MAP4K4: variants seen among roughly 807,000 people sequenced by gnomAD.
The protein encoded by MAP4K4 is HPK/GCK-like kinase HGK.
MAP4K4 carries 38 observed loss-of-function variants against 189.6 expected under a neutral mutation model. The ratio of observed to expected loss-of-function variants is 0.20; its 90% CI spans 0.15 to 0.26. The LOEUF is 0.26. Ranked by LOEUF, MAP4K4 falls within the 10% of genes least tolerant of loss-of-function variation. The pLI, the probability that MAP4K4 is intolerant of heterozygous loss-of-function variation, is 1.00. For missense variants in MAP4K4, 1,054 were observed against 1,726.9 expected (o/e 0.61, Z 6.91); for synonymous variants, 610 against 624.3 (o/e 0.98, Z 0.34).
At chr2:101,849,692 C>T (rs1410997424) in intron 12 of MAP4K4, among the ~76,000 whole-genome samples, 1 of 150,232 alleles carries the variant, frequency 6.7e-6, no homozygotes, top group Non-Finnish European at 1.5e-5. Flanking sequence ...TTTCATGACA[C>T]TCACACATTT....
chr2:101,781,742 T>C (rs1188899726), intron 2 of MAP4K4, among the ~76,000 whole-genome samples: 1 of 152,198 alleles, frequency 6.6e-6, no homozygotes, highest in Non-Finnish European at 1.5e-5. Context: ...AGCACCCTTT[T>C]TGAAAGAATT....
At chr2:101,826,165 A>G (rs963108125) in intron 5 of MAP4K4, among the ~76,000 whole-genome samples, 3 of 151,888 alleles carry the variant, frequency 2.0e-5, no homozygotes, top group African/African-American at 7.3e-5. Flanking sequence ...ACCACATTTA[A>G]AAAAAAAGAT....
rs574064919 is a variant in MAP4K4, at chr2:101,764,234, G to A, written c.124-26486G>A. Among the ~76,000 whole-genome samples, 42 of 152,214 alleles carry A rather than the reference G, an allele frequency of 2.8e-4. No homozygotes were observed. The South Asian group carries it at 5.8e-3, about 21-fold the overall frequency. On this transcript the variant is annotated intron_variant, in intron 2 of 32. Coordinates refer to ENST00000324219, the Ensembl canonical transcript of MAP4K4. ...AAAATATGAGTGTCAAACATATGTA[G>A]CATTGCACTGTAATGTCATACGTAA...
At chr2:101,738,730 C>G (rs1261437957) in intron 2 of MAP4K4, among the ~76,000 whole-genome samples, 1 of 151,658 alleles carries the variant, frequency 6.6e-6, no homozygotes, top group Non-Finnish European at 1.5e-5. Context: ...CTTTTCTTGC[C>G]CTCTGCTTGC....
At chr2:101,834,160 T>C (rs530695821) in intron 7 of MAP4K4, among the ~76,000 whole-genome samples, 1 of 150,122 alleles carries the variant, frequency 6.7e-6, no homozygotes, top group East Asian at 2.0e-4. Flanking sequence ...TTCCTTCCTT[T>C]CCTTCCTTTC....
chr2:101,860,210 T>G (rs2097596307), intron 15 of MAP4K4: 12 of 340,400 alleles, frequency 3.5e-5, no homozygotes, highest in South Asian at 3.5e-4. Flanking sequence ...AGTATAAAGC[T>G]AAAGTGTGCC....
chr2:101,747,775 A>G (rs1348212977), intron 2 of MAP4K4, among the ~76,000 whole-genome samples: 2 of 152,198 alleles, frequency 1.3e-5, no homozygotes, highest in East Asian at 3.8e-4. Flanking sequence ...CAGATCCCAA[A>G]TATCATTTTA....
At chr2:101,868,071 G>A (rs771793823) in intron 21 of MAP4K4, 34 bp downstream of exon 21, 1 of 1,607,528 alleles carries the variant, frequency 6.2e-7, no homozygotes, top group East Asian at 2.2e-5. Context: ...CCACTTCAGA[G>A]CAGCACTCCG....
chr2:101,739,176 A>T (rs928009908), intron 2 of MAP4K4, among the ~76,000 whole-genome samples: 1 of 152,154 alleles, frequency 6.6e-6, no homozygotes, highest in Non-Finnish European at 1.5e-5. Context: ...GACTCAAATA[A>T]ATCTGGCAGT....
At chr2:101,853,085 G>A (rs1177235628) in intron 12 of MAP4K4, among the ~76,000 whole-genome samples, 1 of 152,144 alleles carries the variant, frequency 6.6e-6, no homozygotes, top group Non-Finnish European at 1.5e-5. Flanking sequence ...CAGCCCAAAG[G>A]AAATAAGGCC....
chr2:101,755,183 T>G (rs1260066929), intron 2 of MAP4K4, among the ~76,000 whole-genome samples: 1 of 139,636 alleles, frequency 7.2e-6, no homozygotes, highest in Non-Finnish European at 1.6e-5. Context: ...TGCCCCCTCC[T>G]CGCTTTTTTT....
At chr2:101,869,759 T>G in exon 22 of MAP4K4, 1 of 1,585,536 alleles carries the variant, frequency 6.3e-7, no homozygotes, top group Non-Finnish European at 8.6e-7. Flanking sequence ...AGGAAGGGGC[T>G]GACGAGTCCA....
rs1273794242 is a variant in MAP4K4, at chr2:101,725,087, C to T, written c.123+26549C>T. On this transcript the variant is annotated intron_variant, in intron 2 of 32. Coordinates refer to ENST00000324219, the Ensembl canonical transcript of MAP4K4. ...ATGCACTCTGTGATGTGATGTTTCT[C>T]ACATGGATGACATTGCCTTTCACAG... Among the ~76,000 whole-genome samples the T allele has an allele frequency of 3.3e-5, 5 of 152,310 alleles. No individual in the cohort carries two copies. In the South Asian group the frequency reaches 1.0e-3, roughly 32 times the overall value.
chr2:101,698,670 C>G, intron 2 of MAP4K4, 132 bp downstream of exon 2: 1 of 770,370 alleles, frequency 1.3e-6, no homozygotes, highest in Non-Finnish European at 2.3e-6. Context: ...GGGTTTCTTT[C>G]GCCTTGCAGT....
chr2:101,809,063 T>C (rs975483977), intron 3 of MAP4K4, among the ~76,000 whole-genome samples: 1 of 152,208 alleles, frequency 6.6e-6, no homozygotes, highest in African/African-American at 2.4e-5. Flanking sequence ...TATTTATTTA[T>C]TTATTTTAGA....
chr2:101,860,792 C>G (rs770558241), intron 15 of MAP4K4, 33 bp from the exon 16 acceptor site: 1 of 1,560,864 alleles, frequency 6.4e-7, no homozygotes, highest in Non-Finnish European at 8.7e-7. Flanking sequence ...CCCCTACTAA[C>G]ACTGAGTTAT....
intron 3 of MAP4K4, among the ~76,000 whole-genome samples, chr2:101,806,408 CTCT>C (rs2094935262): frequency 6.7e-6 from 1 of 148,238 alleles, no homozygotes; most frequent in African/African-American, 2.5e-5. Flanking sequence ...CGGAATCTCG[CTCT>C]GTCACCCAGG....
intron 2 of MAP4K4, among the ~76,000 whole-genome samples, chr2:101,757,974 G>A (rs1420509461): frequency 6.6e-6 from 1 of 152,206 alleles, no homozygotes; most frequent in Admixed American, 6.5e-5. Flanking sequence ...GCAGTGAGGC[G>A]AGATTGCACC....
chr2:101,782,051 A>G (rs950757328), intron 2 of MAP4K4, among the ~76,000 whole-genome samples: 26 of 152,318 alleles, frequency 1.7e-4, no homozygotes, highest in African/African-American at 5.8e-4. Flanking sequence ...CAAAGACTGG[A>G]TAGTAATTAG....
Sources: gnomAD v4.1 joint callset for allele counts (sites outside exome capture counted in the v4.1 genomes callset) on GRCh38, gnomAD v4.1.1 for gene constraint, MANE v1.5 for transcripts, NCBI Gene and HGNC (gene_info 2026-07-23, HGNC 2026-07-21) for gene names.